The following CDH2 variants were observed in gnomAD, a reference collection of about 807,000 sequenced individuals.
CDH2 encodes cadherin-2.
CDH2 carries 17 observed loss-of-function variants against 92.0 expected under a neutral mutation model. That is an observed-to-expected ratio of 0.18 (90% CI 0.13 to 0.28). The LOEUF (loss-of-function observed/expected upper bound fraction) is 0.28. Ranked by LOEUF, CDH2 falls within the 10% of genes least tolerant of loss-of-function variation. CDH2 has a pLI of 1.00. For synonymous variants in CDH2, 419 were observed against 415.9 expected (o/e 1.01, Z -0.09); for missense variants, 862 against 1,133.1 (o/e 0.76, Z 3.44).
intron 2 of CDH2, among the ~76,000 whole-genome samples, chr18:28,051,889 G>C (rs2014199131): frequency 6.6e-6 from 1 of 152,102 alleles, no homozygotes; most frequent in African/African-American, 2.4e-5. Flanking sequence ...AGAGAGAAAA[G>C]TACAAAAAAC....
In CDH2 at chr18:27,952,177, G is replaced by A. The variant is rs759051449; in HGVS notation, c.2697C>T (p.Asp899=). The part of the protein sequence containing the change: ...DWGPRFKKLA[D]MYGGGDD ...TTCAGTCATCACCTCCACCATACAT[G>A]TCAGCAAGTTTCTTGAACCGTGGCC... The change falls in exon 16 of 16, where the codon GAC becomes GAT. Residue 899 remains aspartate, a synonymous_variant. Transcript: ENST00000269141. The A allele has an allele frequency of 1.2e-6, 2 of 1,613,562 alleles. No homozygotes were observed. The highest frequency in any genetic ancestry group is 4.5e-5 in the East Asian group (2 of 44,860).
rs200969479 is a variant in CDH2, at chr18:27,951,339, C to T, written c.*814G>A. 1 of 152,256 alleles carries T rather than the reference C, an allele frequency of 6.6e-6. No homozygotes were observed. Among genetic ancestry groups the T allele is most frequent in the Non-Finnish European group, 1.5e-5 (1 of 67,936 alleles). 9.4% of individuals were successfully genotyped at this position (152,256 alleles called of 1,614,324 possible). Reference sequence around the variant, plus strand: ...TGTTTTGTAAATACTTTATCCATAACGAAAGATATAAACATGCAAAAAACC... The same window carrying T: ...TGTTTTGTAAATACTTTATCCATAATGAAAGATATAAACATGCAAAAAACC... On this transcript the variant is annotated 3_prime_UTR_variant, in exon 16 of 16. Coordinates refer to ENST00000269141, the MANE Select transcript of CDH2 (RefSeq NM_001792.5).
rs761127424 is a variant in CDH2 at position 27,963,426 on chromosome 18, G to T, written c.2445C>A (p.His815Gln). ...ATCGGACCGGATACTGGGGCTCGGCGTGGATGGGTCTTTCATCCATTCGTC... is the reference window on the plus strand; with the variant it reads ...ATCGGACCGGATACTGGGGCTCGGCTTGGATGGGTCTTTCATCCATTCGTC... Reference protein sequence around the residue: ...GIRRMDERPIHAEPQYPVRSA... With the variant: ...GIRRMDERPIQAEPQYPVRSA... Residue 815 changes from histidine to glutamine, a missense_variant, in exon 15 of 16, where the codon CAC becomes CAA. By Grantham distance (24) the His-to-Gln change is conservative (BLOSUM62 0). Coordinates refer to ENST00000269141, the MANE Select transcript of CDH2 (RefSeq NM_001792.5). 20 of 1,614,056 alleles carry T rather than the reference G, an allele frequency of 1.2e-5. No individual in the cohort carries two copies. Among genetic ancestry groups the T allele is most frequent in the Non-Finnish European group, 1.7e-5 (20 of 1,180,002 alleles).
At chr18:28,125,102 A>G (rs2015654954) in intron 2 of CDH2, among the ~76,000 whole-genome samples, 1 of 152,198 alleles carries the variant, frequency 6.6e-6, no homozygotes, top group East Asian at 1.9e-4. Flanking sequence ...TACGTGAGAC[A>G]TTAGAAAACT....
At chr18:28,013,568 T>C (rs1599033498) in intron 3 of CDH2, 115 bp downstream of exon 3, 2 of 738,646 alleles carry the variant, frequency 2.7e-6, no homozygotes, top group Non-Finnish European at 4.7e-6. Context: ...CCAAAGTTGA[T>C]ACAAATGCAA....
At chr18:28,097,390 A>T (rs2015154607) in intron 2 of CDH2, among the ~76,000 whole-genome samples, 1 of 134,636 alleles carries the variant, frequency 7.4e-6, no homozygotes, top group Non-Finnish European at 1.6e-5. Context: ...AAAAAAAAAA[A>T]TGGAACTCAC....
intron 2 of CDH2, among the ~76,000 whole-genome samples, chr18:28,018,876 T>A (rs866152734): frequency 1.1e-5 from 1 of 95,082 alleles, no homozygotes; most frequent in Non-Finnish European, 2.7e-5. Context: ...CACACGTTTA[T>A]ATATATATAT....
chr18:28,027,234 C>T (rs2013577482), intron 2 of CDH2, among the ~76,000 whole-genome samples: 1 of 151,752 alleles, frequency 6.6e-6, no homozygotes, highest in Non-Finnish European at 1.5e-5. Flanking sequence ...CTTGAGTGAC[C>T]TACAACAAGA....
intron 2 of CDH2, among the ~76,000 whole-genome samples, chr18:28,111,811 T>C (rs1406556361): frequency 3.3e-5 from 5 of 152,204 alleles, no homozygotes; most frequent in South Asian, 2.1e-4. Context: ...AAGTTTTTTT[T>C]CTCAGATGTA....
intron 2 of CDH2, chr18:28,097,008 T>C (rs1257433138): frequency 2.0e-5 from 3 of 152,230 alleles, no homozygotes; most frequent in African/African-American, 7.2e-5. Context: ...CTAGCACACA[T>C]GCCACCTCAT....
At chr18:28,142,407 A>G (rs2144317797) in intron 2 of CDH2, among the ~76,000 whole-genome samples, 1 of 152,034 alleles carries the variant, frequency 6.6e-6, no homozygotes, top group South Asian at 2.1e-4. Context: ...AGAAAACTAG[A>G]CCTAAAATAC....
At chr18:28,123,539 C>T (rs1033234508) in intron 2 of CDH2, among the ~76,000 whole-genome samples, 8 of 152,054 alleles carry the variant, frequency 5.3e-5, no homozygotes, top group African/African-American at 1.9e-4. Context: ...TTTGGATGAA[C>T]CCAGGAGCAA....
intron 7 of CDH2, among the ~76,000 whole-genome samples, chr18:27,999,368 G>C (rs1567957211): frequency 6.6e-6 from 1 of 152,130 alleles, no homozygotes; most frequent in Non-Finnish European, 1.5e-5. Context: ...TGGAGACCCA[G>C]CAGGTTTGTA....
chr18:28,102,927 T>G (rs1295214250), intron 2 of CDH2, among the ~76,000 whole-genome samples: 1 of 151,478 alleles, frequency 6.6e-6, no homozygotes, highest in East Asian at 1.9e-4. Flanking sequence ...AAAAAAAAAT[T>G]AGGGGGTAAA....
At chr18:28,105,214 A>G (rs550462840) in intron 2 of CDH2, among the ~76,000 whole-genome samples, 204 of 152,324 alleles carry the variant, frequency 1.3e-3, no homozygotes, top group Non-Finnish European at 2.2e-3. Flanking sequence ...GAAAGTTCAT[A>G]AATATTCCAT....
At chr18:28,091,179 T>G (rs1426484418) in intron 2 of CDH2, among the ~76,000 whole-genome samples, 1 of 152,192 alleles carries the variant, frequency 6.6e-6, no homozygotes, top group Non-Finnish European at 1.5e-5. Context: ...TTGCAAAAAG[T>G]TTTGTTTTGT....
At chr18:28,141,477 C>T (rs2015952593) in intron 2 of CDH2, among the ~76,000 whole-genome samples, 1 of 152,022 alleles carries the variant, frequency 6.6e-6, no homozygotes, top group Non-Finnish European at 1.5e-5. Context: ...TGCCACTACA[C>T]TGTTCATATT....
At chr18:28,162,756 C>G (rs1016882272) in intron 1 of CDH2, among the ~76,000 whole-genome samples, 16 of 152,160 alleles carry the variant, frequency 1.1e-4, no homozygotes, top group Admixed American at 2.0e-4. Flanking sequence ...ACTGTTAAAG[C>G]CCTGGCCAGC....
At chr18:28,019,110 G>A (rs74692683) in intron 2 of CDH2, among the ~76,000 whole-genome samples, 6,430 of 151,904 alleles carry the variant, frequency 0.042, 202 homozygotes, top group Middle Eastern at 0.12. Context: ...ATGCAAAGGT[G>A]TAAATGATGC....
Sources: allele counts gnomAD v4.1 joint callset (sites outside exome capture counted in the v4.1 genomes callset), GRCh38; gene constraint gnomAD v4.1.1; transcripts MANE v1.5; gene names NCBI Gene and HGNC (gene_info 2026-07-23, HGNC 2026-07-21).